BMPR1B: variants seen among roughly 807,000 people sequenced by gnomAD.
The protein encoded by BMPR1B is bone morphogenetic protein receptor type 1B.
In BMPR1B, 12 loss-of-function variants were observed where a neutral mutation model predicts 59.1. That is an observed-to-expected ratio of 0.20 (90% CI 0.13 to 0.33). The LOEUF (loss-of-function observed/expected upper bound fraction) is 0.33. Among genes scored for constraint, BMPR1B ranks in the 10% least tolerant of loss-of-function variants. The probability of loss-of-function intolerance (pLI) is 1.00; values close to 1 mark genes in which losing one functional copy is unlikely to be tolerated. For missense variants in BMPR1B, 550 were observed against 610.9 expected, an observed-to-expected ratio of 0.90 and a Z score of 1.05; for synonymous variants, 237 against 207.3, an observed-to-expected ratio of 1.14 and a Z score of -1.23.
chr4:95,128,370 G>C lies in BMPR1B; in HGVS notation c.586-1492G>C, dbSNP rs534088163. 2.6e-5 allele frequency among the ~76,000 whole-genome samples: 4 copies of C among 152,260 alleles called. 1 individual carries two copies. Among genetic ancestry groups the C allele is most frequent in the African/African-American group, 7.2e-5 (3 of 41,568 alleles). On this transcript the variant is annotated intron_variant, in intron 8 of 12. Transcript: ENST00000515059. ...CTCTACAAAGAATACGTTCCAGTTT[G>C]CTGATCAGGTGTTATAAGAGTTATA... is the stretch of plus-strand genomic sequence containing the variant.
At chr4:95,049,449 T>TGCAG in intron 3 of BMPR1B, among the ~76,000 whole-genome samples, 3 of 35,120 alleles carry the variant, frequency 8.5e-5, no homozygotes, top group African/African-American at 2.0e-4. Flanking sequence ...TTTTTTTTTT[T>TGCAG]TTTTTTTTTT....
intron 1 of BMPR1B, among the ~76,000 whole-genome samples, chr4:94,793,086 A>G (rs987346579): frequency 6.6e-6 from 1 of 151,970 alleles, no homozygotes; most frequent in African/African-American, 2.4e-5. Context: ...TTACATATGT[A>G]TACATGTGCC....
chr4:95,034,611 A>AT (rs995839701), intron 3 of BMPR1B, among the ~76,000 whole-genome samples: 6 of 151,208 alleles, frequency 4.0e-5, no homozygotes, highest in East Asian at 1.9e-4. Context: ...CCATTGTTTC[A>AT]TTTTTTTATG....
intron 2 of BMPR1B, among the ~76,000 whole-genome samples, chr4:94,961,327 C>T (rs1730345400): frequency 6.6e-6 from 1 of 152,140 alleles, no homozygotes. Flanking sequence ...TTTTCTGCTA[C>T]AGTGAAGAGT....
At chr4:94,784,599 C>A (rs1195801491) in intron 1 of BMPR1B, among the ~76,000 whole-genome samples, 1 of 152,062 alleles carries the variant, frequency 6.6e-6, no homozygotes, top group Non-Finnish European at 1.5e-5. Context: ...CTCAAGTGAT[C>A]TTCCTGCCTT....
intron 12 of BMPR1B, 41 bp downstream of exon 12, chr4:95,152,814 A>G (rs776178059): frequency 6.2e-7 from 1 of 1,603,912 alleles, no homozygotes; most frequent in South Asian, 1.1e-5. Context: ...CAGACTTCTA[A>G]ATAGACTTTT....
chr4:95,116,558 A>T (rs1203033352), intron 6 of BMPR1B, among the ~76,000 whole-genome samples: 1 of 152,068 alleles, frequency 6.6e-6, no homozygotes, highest in East Asian at 1.9e-4. Context: ...GAGAAGAGAA[A>T]AATCTTTCCA....
intron 1 of BMPR1B, among the ~76,000 whole-genome samples, chr4:94,804,525 G>T (rs1723534084): frequency 6.6e-6 from 1 of 151,414 alleles, no homozygotes; most frequent in Non-Finnish European, 1.5e-5. Context: ...GCCAGTTAGA[G>T]CCTACAACCA....
In BMPR1B at chr4:94,896,249, T is replaced by A. The variant is rs529003268; in HGVS notation, c.-113+20349T>A. Among the ~76,000 whole-genome samples, 33 of 152,164 alleles carry A rather than the reference T, an allele frequency of 2.2e-4. No individual in the cohort carries two copies. The Middle Eastern group carries it at 0.01, about 47-fold the overall frequency. ...TGTAACTTCTCAAATTAGTCATATATAAGTCTGTGCATATATACGTAGCCC... is the reference window on the plus strand; with the variant it reads ...TGTAACTTCTCAAATTAGTCATATAAAAGTCTGTGCATATATACGTAGCCC... On this transcript the variant is annotated intron_variant, in intron 2 of 12. Coordinates refer to ENST00000515059, the MANE Select transcript of BMPR1B (RefSeq NM_001203.3).
At chr4:94,792,486 CAT>C (rs143476110) in intron 1 of BMPR1B, among the ~76,000 whole-genome samples, 5 of 152,202 alleles carry the variant, frequency 3.3e-5, no homozygotes, top group African/African-American at 4.8e-5. Flanking sequence ...CACACACACA[CAT>C]ACACACACGC....
intron 1 of BMPR1B, among the ~76,000 whole-genome samples, chr4:94,842,977 T>A (rs1424280655): frequency 1.3e-5 from 2 of 152,140 alleles, no homozygotes; most frequent in African/African-American, 4.8e-5. Flanking sequence ...ATACCCAGAT[T>A]TCATGAAACA....
chr4:94,889,955 T>C (rs1428891744), intron 2 of BMPR1B, among the ~76,000 whole-genome samples: 1 of 151,958 alleles, frequency 6.6e-6, no homozygotes, highest in Non-Finnish European at 1.5e-5. Context: ...TGACCCCTCC[T>C]CTACCCCAAA....
At position 94,942,381 on chromosome 4, in the gene BMPR1B, C is replaced by T. The variant is rs537720536; in HGVS notation, c.-112-53659C>T. Among the ~76,000 whole-genome samples, 9 of 152,146 alleles carry T rather than the reference C, an allele frequency of 5.9e-5. No individual in the cohort carries two copies. The East Asian group carries it at 1.5e-3, about 26-fold the overall frequency. On this transcript the variant is annotated intron_variant, in intron 2 of 12. Transcript: ENST00000515059. ...TCTTTAAAATTATTTGGTTAGTGAT[C>T]GTAAATGACTGAGAACATGTGTGAC...
intron 1 of BMPR1B, among the ~76,000 whole-genome samples, chr4:94,860,325 A>G (rs1183119041): frequency 6.6e-6 from 1 of 152,174 alleles, no homozygotes; most frequent in Non-Finnish European, 1.5e-5. Context: ...AGATCCAGCA[A>G]CATCAGTAAG....
intron 2 of BMPR1B, among the ~76,000 whole-genome samples, chr4:94,934,090 A>G (rs1368541399): frequency 1.3e-5 from 2 of 152,084 alleles, no homozygotes; most frequent in African/African-American, 4.8e-5. Context: ...GCATGAGTGC[A>G]CATGTGTTTG....
chr4:94,968,234 T>C (rs1268140859), intron 2 of BMPR1B, among the ~76,000 whole-genome samples: 1 of 152,162 alleles, frequency 6.6e-6, no homozygotes, highest in Non-Finnish European at 1.5e-5. Flanking sequence ...AGCTTTCTAG[T>C]AATGGTGGCT....
chr4:95,026,098 A>ATTTCTTTCTTTTCTTTCTTTC (rs1724342718), intron 3 of BMPR1B, among the ~76,000 whole-genome samples: 4 of 101,622 alleles, frequency 3.9e-5, no homozygotes, highest in Admixed American at 9.9e-5. Context: ...GCTTTCTTTC[A>ATTTCTTTCTTTTCTTTCTTTC]TTTCTTTCTT....
At chr4:95,103,359 C>G in intron 3 of BMPR1B, 1 of 797,802 alleles carries the variant, frequency 1.3e-6, no homozygotes, top group East Asian at 1.3e-4. Context: ...ATTTTTTAAC[C>G]CAGCAATTTT....
At chr4:94,760,387 TGG>T (rs2110553914) in intron 1 of BMPR1B, among the ~76,000 whole-genome samples, 1 of 152,370 alleles carries the variant, frequency 6.6e-6, no homozygotes, top group Non-Finnish European at 1.5e-5. Context: ...TCATAAGCTT[TGG>T]GAACTGTGTG....
Sources: gnomAD v4.1 joint callset for allele counts (sites outside exome capture counted in the v4.1 genomes callset) on GRCh38, gnomAD v4.1.1 for gene constraint, MANE v1.5 for transcripts, NCBI Gene and HGNC (gene_info 2026-07-23, HGNC 2026-07-21) for gene names.